The following TTC7B variants were observed in gnomAD, a reference collection of about 807,000 sequenced individuals.
TTC7B encodes tetratricopeptide repeat domain 7B, also known as tetratricopeptide repeat protein 7B.
Under a neutral mutation model 106.8 loss-of-function variants are expected in TTC7B, and 28 were observed. The observed-to-expected ratio is 0.26, with a 90% CI of 0.19 to 0.36. The LOEUF is 0.36. TTC7B is among the 10% of genes least tolerant of loss of function. The pLI, the probability that TTC7B is intolerant of heterozygous loss-of-function variation, is 1.00. For synonymous variants in TTC7B, 405 were observed against 430.6 expected, an observed-to-expected ratio of 0.94 and a Z score of 0.74; for missense variants, 862 against 1,076.4, an observed-to-expected ratio of 0.80 and a Z score of 2.79.
chr14:90,705,981 T>C (rs1019380982), intron 5 of TTC7B, among the ~76,000 whole-genome samples: 1 of 152,190 alleles, frequency 6.6e-6, no homozygotes, highest in Admixed American at 6.5e-5. Flanking sequence ...ATTTGGCAGC[T>C]AGATCCGCAG....
At chr14:90,691,053 TGG>T (rs1887449075) in intron 6 of TTC7B, among the ~76,000 whole-genome samples, 1 of 152,218 alleles carries the variant, frequency 6.6e-6, no homozygotes, top group Non-Finnish European at 1.5e-5. Context: ...GCTCCTGAAC[TGG>T]TTTCTTAAAC....
intron 1 of TTC7B, among the ~76,000 whole-genome samples, chr14:90,791,067 G>A (rs1430370825): frequency 6.6e-6 from 1 of 152,096 alleles, no homozygotes; most frequent in Non-Finnish European, 1.5e-5. Context: ...CCCACCACAG[G>A]GAGACATCCA....
At chr14:90,756,754 GA>G (rs1447224509) in intron 3 of TTC7B, among the ~76,000 whole-genome samples, 2 of 152,168 alleles carry the variant, frequency 1.3e-5, no homozygotes, top group Non-Finnish European at 2.9e-5. Context: ...TGGTGTCACA[GA>G]AGAATTAAGA....
intron 5 of TTC7B, among the ~76,000 whole-genome samples, chr14:90,717,990 G>A (rs1198253063): frequency 6.6e-6 from 1 of 152,192 alleles, no homozygotes; most frequent in Non-Finnish European, 1.5e-5. Context: ...CTTCCTTCTT[G>A]ACCAGACAGG....
intron 5 of TTC7B, among the ~76,000 whole-genome samples, chr14:90,728,968 G>A (rs780923073): frequency 6.6e-4 from 100 of 152,292 alleles, no homozygotes; most frequent in Middle Eastern, 3.4e-3. Context: ...CTTAGGGGAC[G>A]TGCACCGTTG....
At chr14:90,588,294 A>C (rs1446816254) in intron 18 of TTC7B, among the ~76,000 whole-genome samples, 7 of 152,260 alleles carry the variant, frequency 4.6e-5, no homozygotes, top group African/African-American at 1.7e-4. Flanking sequence ...TCCAGCAGAA[A>C]TCAGAAAATC....
At chr14:90,793,944 CCAGG>C (rs1233671972) in intron 1 of TTC7B, among the ~76,000 whole-genome samples, 7 of 151,774 alleles carry the variant, frequency 4.6e-5, no homozygotes, top group African/African-American at 1.7e-4. Context: ...ATTCTATCAC[CCAGG>C]CTGGAGTGCA....
In TTC7B at chr14:90,657,227, C is replaced by T. The variant is rs1566821808; in HGVS notation, c.1288G>A (p.Asp430Asn). The change falls in exon 11 of 20, where the codon GAT becomes AAT. Residue 430 changes from aspartate to asparagine, a missense_variant. Transcript: ENST00000328459. This position sits in a 1 kb window ranked among gnomAD's most constrained non-coding sequence, Gnocchi z 4.2. Reference protein sequence around the residue: ...LKECIRLKPDDATIPLLAAKL... With the variant: ...LKECIRLKPDNATIPLLAAKL... ...GCAGCGAGGAGAGGGATGGTGGCAT[C>T]GTCTGGCTTCAGGCGGATACACTCT... 6.2e-6 allele frequency: 10 copies of T among 1,614,124 alleles called. No homozygotes were observed. Among genetic ancestry groups the T allele is most frequent in the Non-Finnish European group, 8.5e-6 (10 of 1,180,042 alleles).
chr14:90,769,211 C>A (rs951035390), intron 3 of TTC7B, among the ~76,000 whole-genome samples: 2 of 151,754 alleles, frequency 1.3e-5, no homozygotes, highest in South Asian at 4.2e-4. Flanking sequence ...TTAAATATTT[C>A]GCTACAAAAA....
Position 90,716,398 on chromosome 14 carries a change from T to C in TTC7B, c.698+13677A>G, listed in dbSNP as rs189837303. Among the ~76,000 whole-genome samples, 398 of 152,324 alleles carry C rather than the reference T, an allele frequency of 2.6e-3. 2 individuals are homozygous for C. The highest frequency in any genetic ancestry group is 9.1e-3 in the African/African-American group (379 of 41,558). ...TCTTTTGCTAAAACTGGATTTTACA[T>C]GGAAGTGTACAGATGGGCCTAGCAG... is the stretch of plus-strand genomic sequence containing the variant. On this transcript the variant is annotated intron_variant, in intron 5 of 19. Coordinates refer to ENST00000328459, the MANE Select transcript of TTC7B (RefSeq NM_001010854.2).
intron 9 of TTC7B, chr14:90,675,754 T>C (rs1886807278): frequency 6.6e-6 from 1 of 152,072 alleles, no homozygotes; most frequent in African/African-American, 2.4e-5. Flanking sequence ...TGGGTATAAA[T>C]TTAGAAAGAG....
At chr14:90,543,197 C>T (rs1324877685) in intron 19 of TTC7B, among the ~76,000 whole-genome samples, 1 of 152,154 alleles carries the variant, frequency 6.6e-6, no homozygotes, top group East Asian at 1.9e-4. Flanking sequence ...TTTTAAGTTG[C>T]AAAATTAAAT....
chr14:90,803,150 A>G (rs1192040049), intron 1 of TTC7B, among the ~76,000 whole-genome samples: 2 of 151,830 alleles, frequency 1.3e-5, no homozygotes, highest in Non-Finnish European at 2.9e-5. Context: ...TGCAAAAAAA[A>G]AAAATATGAA....
In TTC7B at chr14:90,657,842, A is replaced by C; in HGVS notation, c.1236+462T>G. On this transcript the variant is annotated intron_variant, in intron 10 of 19. Transcript: ENST00000328459. This position sits in a 1 kb window ranked among gnomAD's most constrained non-coding sequence, Gnocchi z 4.2. Reference sequence around the variant, plus strand: ...TACCGAGGAAACTGAGCTGCTCAGTAACTTGCCTGGGTCACTCAGCTGGGA... The same window carrying C: ...TACCGAGGAAACTGAGCTGCTCAGTCACTTGCCTGGGTCACTCAGCTGGGA... 1 of 191,524 alleles carries C rather than the reference A, an allele frequency of 5.2e-6. No homozygotes were observed. The highest frequency in any genetic ancestry group is 1.1e-5 in the Non-Finnish European group (1 of 90,918). The allele number at this position is 191,524 out of a possible 1,614,324, so 11.9% of individuals were successfully genotyped here. A position where few individuals can be genotyped will look rare whatever the true frequency, so the allele number is the denominator to read the frequency against.
chr14:90,755,221 C>A (rs933680362), intron 3 of TTC7B, among the ~76,000 whole-genome samples: 25 of 152,200 alleles, frequency 1.6e-4, no homozygotes, highest in African/African-American at 6.0e-4. Flanking sequence ...CTTAGATATA[C>A]ACCTAGGGAC....
intron 1 of TTC7B, among the ~76,000 whole-genome samples, chr14:90,799,804 A>C (rs773059971): frequency 3.3e-5 from 5 of 152,006 alleles, no homozygotes; most frequent in Non-Finnish European, 7.4e-5. Context: ...TTAAGCAGGG[A>C]GATGAAATGC....
intron 3 of TTC7B, among the ~76,000 whole-genome samples, chr14:90,770,150 G>C (rs1374923807): frequency 6.6e-6 from 1 of 151,730 alleles, no homozygotes; most frequent in Non-Finnish European, 1.5e-5. Flanking sequence ...CTCCATCTCT[G>C]AAAATAAGTA....
chr14:90,784,808 T>G (rs1184870047), intron 2 of TTC7B, among the ~76,000 whole-genome samples: 1 of 152,062 alleles, frequency 6.6e-6, no homozygotes, highest in Non-Finnish European at 1.5e-5. Context: ...TGGGGCAAGA[T>G]CCCTGTGTTG....
chr14:90,765,493 T>C (rs372429038), intron 3 of TTC7B, among the ~76,000 whole-genome samples: 4 of 152,204 alleles, frequency 2.6e-5, no homozygotes, highest in East Asian at 3.8e-4. Context: ...AAATCTGTTA[T>C]TTAAAAAGCT....
Sources: allele counts gnomAD v4.1 joint callset (sites outside exome capture counted in the v4.1 genomes callset), GRCh38; gene constraint gnomAD v4.1.1; non-coding constraint Gnocchi (gnomAD v3.1); transcripts MANE v1.5; gene names NCBI Gene and HGNC (gene_info 2026-07-23, HGNC 2026-07-21).